Variants in GSR observed in about 807,000 individuals in gnomAD.
GSR encodes the protein glutathione reductase, mitochondrial.
GSR carries 48 observed loss-of-function variants against 56.5 expected under a neutral mutation model. The ratio of observed to expected loss-of-function variants is 0.85; its 90% CI spans 0.67 to 1.08. The LOEUF is 1.08. Ranked by LOEUF, GSR falls within the 50% of genes least tolerant of loss-of-function variation. The pLI, the probability that GSR is intolerant of heterozygous loss-of-function variation, is 0.00. For synonymous variants in GSR, 264 were observed against 270.8 expected (o/e 0.97, Z 0.25); for missense variants, 694 against 703.3 (o/e 0.99, Z 0.15).
At chr8:30,714,324 T>A (rs2128747393) in intron 1 of GSR, among the ~76,000 whole-genome samples, 1 of 136,470 alleles carries the variant, frequency 7.3e-6, no homozygotes, top group African/African-American at 2.7e-5. Context: ...CAATTCTCCC[T>A]CCTCAGCCCC....
intron 5 of GSR, 96 bp downstream of exon 5, chr8:30,702,997 G>A: frequency 1.5e-6 from 2 of 1,298,324 alleles, no homozygotes; most frequent in Non-Finnish European, 2.2e-6. Context: ...TCCAAAGAGA[G>A]AACTGGTTTA....
intron 2 of GSR, among the ~76,000 whole-genome samples, 185 bp from the exon 3 acceptor site, chr8:30,710,087 A>G (rs1030021098): frequency 1.3e-5 from 2 of 152,102 alleles, no homozygotes; most frequent in African/African-American, 2.4e-5. Flanking sequence ...AGCCCGAGGC[A>G]GGTGGATCAC....
intron 8 of GSR, among the ~76,000 whole-genome samples, chr8:30,690,520 AAAAT>A (rs1341791724): frequency 6.6e-6 from 1 of 152,060 alleles, no homozygotes; most frequent in African/African-American, 2.4e-5. Flanking sequence ...GAGAGTGGAG[AAAAT>A]AAATAGTTTA....
chr8:30,722,983 G>T (rs1388154119), intron 1 of GSR, among the ~76,000 whole-genome samples: 1 of 152,026 alleles, frequency 6.6e-6, no homozygotes, highest in Non-Finnish European at 1.5e-5. Flanking sequence ...CTGTGACTTG[G>T]CAATCATGAA....
At chr8:30,691,977 T>C (rs1803393339) in intron 8 of GSR, among the ~76,000 whole-genome samples, 1 of 151,724 alleles carries the variant, frequency 6.6e-6, no homozygotes. Context: ...GGCATGTGCC[T>C]GTAGTCCCAG....
At chr8:30,722,272 T>C (rs1361579615) in intron 1 of GSR, among the ~76,000 whole-genome samples, 2 of 152,210 alleles carry the variant, frequency 1.3e-5, no homozygotes, top group African/African-American at 4.8e-5. Context: ...CACTCCTTTA[T>C]TTGTCACTTA....
intron 3 of GSR, 43 bp downstream of exon 3, chr8:30,709,771 T>C (rs1201103435): frequency 9.1e-7 from 1 of 1,096,234 alleles, no homozygotes; most frequent in East Asian, 2.4e-5. Flanking sequence ...AAAAGAAAAA[T>C]ATCTACACTT....
chr8:30,708,843 C>T (rs930469275), intron 3 of GSR, among the ~76,000 whole-genome samples: 1 of 151,442 alleles, frequency 6.6e-6, no homozygotes, highest in African/African-American at 2.4e-5. Flanking sequence ...CCTGTAGTCC[C>T]AGCTACTCAG....
chr8:30,718,489 C>T lies in GSR; in HGVS notation c.307-6401G>A, dbSNP rs556917203. On this transcript the variant is annotated intron_variant, in intron 1 of 12. Coordinates refer to ENST00000221130, the MANE Select transcript of GSR (RefSeq NM_000637.5). ...GATAGATGTGATGGTGACTCTGATA[C>T]CTCTGAATTATTTCTGCGTCTGCTG... Among the ~76,000 whole-genome samples, 34 of 152,236 alleles carry T rather than the reference C, an allele frequency of 2.2e-4. No individual in the cohort carries two copies. The South Asian group carries it at 7.0e-3, about 32-fold the overall frequency.
intron 1 of GSR, among the ~76,000 whole-genome samples, chr8:30,714,653 C>T (rs1036267816): frequency 6.6e-6 from 1 of 151,918 alleles, no homozygotes; most frequent in Admixed American, 6.6e-5. Flanking sequence ...AGCTACCATA[C>T]GTGGCCTGTA....
At chr8:30,720,292 C>T (rs552613649) in intron 1 of GSR, among the ~76,000 whole-genome samples, 4 of 152,156 alleles carry the variant, frequency 2.6e-5, no homozygotes, top group East Asian at 1.9e-4. Context: ...CTCCCTCTGT[C>T]GTCCTTCTTT....
chr8:30,698,081 C>T lies in GSR; in HGVS notation c.696-1602G>A, dbSNP rs8190986. 8.1e-3 allele frequency among the ~76,000 whole-genome samples: 1,232 copies of T among 152,264 alleles called. 13 individuals are homozygous for T. Among genetic ancestry groups the T allele is most frequent in the African/African-American group, 0.028 (1,164 of 41,560 alleles). On this transcript the variant is annotated intron_variant, in intron 6 of 12. Transcript: ENST00000221130. ...AGGACTACTCATGCACAGTATTCCA[C>T]AAGGTTCATGCTCCATCCAAACAGA... is the stretch of plus-strand genomic sequence containing the variant.
intron 9 of GSR, among the ~76,000 whole-genome samples, chr8:30,687,128 C>A (rs1016687799): frequency 6.6e-6 from 1 of 151,816 alleles, no homozygotes; most frequent in African/African-American, 2.4e-5. Context: ...TGAGCCACGG[C>A]GCCTGGCTGA....
chr8:30,699,966 G>C (rs1803672113), intron 6 of GSR, 115 bp downstream of exon 6: 1 of 796,074 alleles, frequency 1.3e-6, no homozygotes, highest in Non-Finnish European at 2.3e-6. Context: ...GAAGCTGTAA[G>C]AGGAGGGAAT....
At chr8:30,717,790 G>T (rs1420047108) in intron 1 of GSR, among the ~76,000 whole-genome samples, 1 of 152,080 alleles carries the variant, frequency 6.6e-6, no homozygotes, top group Non-Finnish European at 1.5e-5. Context: ...AATAATAATA[G>T]AAATAAAGTG....
chr8:30,701,198 G>T (rs547163916), intron 5 of GSR, among the ~76,000 whole-genome samples: 1 of 152,234 alleles, frequency 6.6e-6, no homozygotes, highest in South Asian at 2.1e-4. Context: ...AGGTGCAGTG[G>T]CTCACACCTA....
intron 7 of GSR, among the ~76,000 whole-genome samples, chr8:30,693,816 A>G (rs926556283): frequency 6.6e-6 from 1 of 152,194 alleles, no homozygotes; most frequent in Non-Finnish European, 1.5e-5. Flanking sequence ...GGTGTGAGCC[A>G]CCATGCCCAC....
In GSR at chr8:30,708,831, T is replaced by A. The variant is rs2551706; in HGVS notation, c.423-690A>T. ...AAAATTACCCAGGCATGCTGGTGGG[T>A]GCCTGTAGTCCCAGCTACTCAGGAG... On this transcript the variant is annotated intron_variant, in intron 3 of 12. Coordinates refer to ENST00000221130, the MANE Select transcript of GSR (RefSeq NM_000637.5). Among the ~76,000 whole-genome samples, 6 of 151,656 alleles carry A rather than the reference T, an allele frequency of 4.0e-5. No individual in the cohort carries two copies. The East Asian group carries it at 7.8e-4, about 20-fold the overall frequency.
At position 30,678,826 on chromosome 8, in the gene GSR, T is replaced by C. The variant is rs376725408; in HGVS notation, c.*694A>G. 5 of 152,516 alleles carry C rather than the reference T, an allele frequency of 3.3e-5. No homozygotes were observed. The highest frequency in any genetic ancestry group is 1.2e-4 in the African/African-American group (5 of 41,404). 9.4% of individuals were successfully genotyped at this position (152,516 alleles called of 1,614,324 possible). On this transcript the variant is annotated 3_prime_UTR_variant, in exon 13 of 13. Coordinates refer to ENST00000221130, the MANE Select transcript of GSR (RefSeq NM_000637.5). ...ATAAAGGTTCTGTGCACTGGCACTG[T>C]TTACATGTGAAGAATTGCCATCAAC...
Sources: gnomAD v4.1 joint callset for allele counts (sites outside exome capture counted in the v4.1 genomes callset) on GRCh38, gnomAD v4.1.1 for gene constraint, MANE v1.5 for transcripts, NCBI Gene and HGNC (gene_info 2026-07-23, HGNC 2026-07-21) for gene names.